ITGB8: variants seen among roughly 807,000 people sequenced by gnomAD.
ITGB8 encodes integrin subunit beta 8.
ITGB8 carries 30 observed loss-of-function variants against 89.5 expected under a neutral mutation model. The ratio of observed to expected loss-of-function variants is 0.34; its 90% CI spans 0.25 to 0.45. The LOEUF (loss-of-function observed/expected upper bound fraction) is 0.45. Ranked by LOEUF, ITGB8 falls within the 20% of genes least tolerant of loss-of-function variation. The probability of loss-of-function intolerance (pLI) is 1.00; values close to 1 mark genes in which losing one functional copy is unlikely to be tolerated. For missense variants in ITGB8, 836 were observed against 933.3 expected, an observed-to-expected ratio of 0.90 and a Z score of 1.36; for synonymous variants, 335 against 320.4, an observed-to-expected ratio of 1.05 and a Z score of -0.49.
intron 7 of ITGB8, among the ~76,000 whole-genome samples, chr7:20,392,297 C>G (rs112816631): frequency 6.6e-6 from 1 of 152,166 alleles, no homozygotes; most frequent in Non-Finnish European, 1.5e-5. Context: ...CCCATCTGCT[C>G]CCTAATTATA....
intron 2 of ITGB8, among the ~76,000 whole-genome samples, chr7:20,364,473 A>G (rs181082281): frequency 1.9e-4 from 29 of 152,306 alleles, no homozygotes; most frequent in Admixed American, 1.9e-3. Context: ...GAAAAAAGAA[A>G]GTTATAAGGT....
intron 10 of ITGB8, among the ~76,000 whole-genome samples, chr7:20,404,404 C>G (rs571504918): frequency 2.0e-5 from 3 of 152,280 alleles, no homozygotes; most frequent in African/African-American, 7.2e-5. Context: ...TGCTTGTTAG[C>G]GGAGTGCATT....
intron 6 of ITGB8, among the ~76,000 whole-genome samples, chr7:20,389,703 G>A (rs1469260980): frequency 6.6e-6 from 1 of 152,100 alleles, no homozygotes; most frequent in Non-Finnish European, 1.5e-5. Context: ...TTCCAATACA[G>A]ACAGATTTAC....
chr7:20,375,205 GAA>G (rs146479637), intron 3 of ITGB8, among the ~76,000 whole-genome samples: 1 of 147,500 alleles, frequency 6.8e-6, no homozygotes, highest in African/African-American at 2.5e-5. Context: ...ATTCATAAAG[GAA>G]AAAAAAAAGG....
intron 1 of ITGB8, chr7:20,346,739 G>C (rs978472366): frequency 9.1e-6 from 9 of 985,170 alleles, no homozygotes; most frequent in Non-Finnish European, 9.6e-6. Context: ...GTGATTGCCT[G>C]AGAAGTATAT....
chr7:20,331,501 G>A lies in ITGB8; in HGVS notation c.-306G>A. The A allele has an allele frequency of 4.7e-6, 2 of 423,136 alleles. No homozygotes were observed. The highest frequency in any genetic ancestry group is 4.1e-6 in the Non-Finnish European group (1 of 242,958). The allele number at this position is 423,136 out of a possible 1,614,324, so 26.2% of individuals were successfully genotyped here. A position where few individuals can be genotyped will look rare whatever the true frequency, so the allele number is the denominator to read the frequency against. The stretch of plus-strand genomic sequence containing the variant: ...TTTTCTTTGTCCCGGAGCAGGCTGC[G>A]GAGCCCTTGCAGAGCCCTCTCTCCA... On this transcript the variant is annotated 5_prime_UTR_variant, in exon 1 of 14. Transcript: ENST00000222573.
intron 1 of ITGB8, among the ~76,000 whole-genome samples, chr7:20,358,491 T>C (rs1046058083): frequency 6.6e-6 from 1 of 152,008 alleles, no homozygotes; most frequent in Non-Finnish European, 1.5e-5. Flanking sequence ...TCCTGCTCTT[T>C]CCTGAAAATT....
chr7:20,390,113 G>C (rs911581198), intron 6 of ITGB8, among the ~76,000 whole-genome samples: 145 of 152,114 alleles, frequency 9.5e-4, no homozygotes, highest in African/African-American at 3.2e-3. Flanking sequence ...TCACAATACA[G>C]AAATGTTTAC....
At chr7:20,332,422 T>C (rs1203997047) in intron 1 of ITGB8, among the ~76,000 whole-genome samples, 2 of 152,212 alleles carry the variant, frequency 1.3e-5, no homozygotes, top group Admixed American at 1.3e-4. Flanking sequence ...TCTGCTATCA[T>C]TAGTGCTCAA....
chr7:20,382,774 A>G (rs1170003131), intron 6 of ITGB8, among the ~76,000 whole-genome samples: 2 of 152,196 alleles, frequency 1.3e-5, no homozygotes, highest in Non-Finnish European at 2.9e-5. Flanking sequence ...TCAAGTGTAG[A>G]GATACATGTT....
chr7:20,395,717 C>A (rs1223209889), intron 8 of ITGB8, among the ~76,000 whole-genome samples: 1 of 152,188 alleles, frequency 6.6e-6, no homozygotes, highest in Non-Finnish European at 1.5e-5. Context: ...CTCATTCAGT[C>A]CTCACACCTG....
intron 3 of ITGB8, among the ~76,000 whole-genome samples, chr7:20,372,658 T>C (rs988929034): frequency 8.6e-5 from 13 of 151,528 alleles, no homozygotes; most frequent in African/African-American, 3.2e-4. Flanking sequence ...TCATGGGGAG[T>C]AGGAGAGTGA....
chr7:20,354,582 G>C (rs1045148363), intron 1 of ITGB8, among the ~76,000 whole-genome samples: 2 of 152,146 alleles, frequency 1.3e-5, no homozygotes, highest in Non-Finnish European at 2.9e-5. Flanking sequence ...GGTATTCTGA[G>C]AGGCCTGGGC....
At chr7:20,370,685 G>A (rs1223467913) in intron 3 of ITGB8, among the ~76,000 whole-genome samples, 8 of 151,580 alleles carry the variant, frequency 5.3e-5, no homozygotes, top group Non-Finnish European at 1.5e-5. Context: ...ATCTCAGCTC[G>A]CTGCAACCTC....
intron 1 of ITGB8, among the ~76,000 whole-genome samples, chr7:20,355,466 T>A (rs1485486989): frequency 6.6e-6 from 1 of 152,162 alleles, no homozygotes; most frequent in Non-Finnish European, 1.5e-5. Flanking sequence ...TATGTAAGAA[T>A]TGAACATTAT....
intron 4 of ITGB8, chr7:20,379,498 C>A (rs193070418): frequency 1.3e-5 from 3 of 232,484 alleles, no homozygotes; most frequent in South Asian, 1.7e-4. Flanking sequence ...TTTTATATTT[C>A]TTTAAATATT....
At chr7:20,329,883 C>A (rs1161524934), upstream of ITGB8, 1 of 152,152 alleles carries the variant, frequency 6.6e-6, no homozygotes, top group Non-Finnish European at 1.5e-5. Context: ...GTGGTAATGA[C>A]AGGACCCGAG....
chr7:20,373,348 C>G (rs956999132), intron 3 of ITGB8, among the ~76,000 whole-genome samples: 6 of 152,046 alleles, frequency 3.9e-5, no homozygotes, highest in Non-Finnish European at 8.8e-5. Context: ...TTGATGTTCT[C>G]TAAGGAAACT....
chr7:20,382,593 C>G (rs1327753338), intron 6 of ITGB8, among the ~76,000 whole-genome samples: 1 of 152,188 alleles, frequency 6.6e-6, no homozygotes, highest in Non-Finnish European at 1.5e-5. Flanking sequence ...AACAGAACCT[C>G]TCCAACTTTC....
Sources: gnomAD v4.1 joint callset for allele counts (sites outside exome capture counted in the v4.1 genomes callset) on GRCh38, gnomAD v4.1.1 for gene constraint, MANE v1.5 for transcripts, NCBI Gene and HGNC (gene_info 2026-07-23, HGNC 2026-07-21) for gene names.